POLR1A: variants seen among roughly 807,000 people sequenced by gnomAD.
POLR1A encodes the protein RNA polymerase I subunit A.
A neutral mutation model predicts 205.3 loss-of-function variants in POLR1A; 84 were observed. The ratio of observed to expected loss-of-function variants is 0.41; its 90% CI spans 0.34 to 0.49. POLR1A has a LOEUF of 0.49. POLR1A is among the 20% of genes least tolerant of loss of function. The probability of loss-of-function intolerance (pLI) is 0.22; values close to 1 mark genes in which losing one functional copy is unlikely to be tolerated. For synonymous variants in POLR1A, 799 were observed against 863.7 expected, an observed-to-expected ratio of 0.93 and a Z score of 1.31; for missense variants, 1,645 against 2,204.5, an observed-to-expected ratio of 0.75 and a Z score of 5.08.
At chr2:86,086,329 G>A (rs986979002) in intron 6 of POLR1A, among the ~76,000 whole-genome samples, 10 of 151,850 alleles carry the variant, frequency 6.6e-5, no homozygotes, top group African/African-American at 1.7e-4. Context: ...CAGATGATCC[G>A]CCTGACTCGG....
chr2:86,047,596 A>C (rs2104394352), intron 18 of POLR1A, among the ~76,000 whole-genome samples: 1 of 152,364 alleles, frequency 6.6e-6, no homozygotes, highest in Admixed American at 6.5e-5. Flanking sequence ...TCTAAAAAGA[A>C]GCTGGAGAAG....
At chr2:86,069,206 C>T (rs746302950) in intron 13 of POLR1A, among the ~76,000 whole-genome samples, 10 of 152,240 alleles carry the variant, frequency 6.6e-5, no homozygotes, top group Non-Finnish European at 7.3e-5. Context: ...TACGATTATT[C>T]TTCATACTCC....
At chr2:86,088,399 C>T (rs1391835828) in intron 6 of POLR1A, among the ~76,000 whole-genome samples, 167 bp downstream of exon 6, 2 of 152,214 alleles carry the variant, frequency 1.3e-5, no homozygotes, top group Admixed American at 6.5e-5. Flanking sequence ...CTGAGCTGGG[C>T]GCTTGCCAGG....
intron 21 of POLR1A, 155 bp from the exon 22 acceptor site, chr2:86,044,459 T>C: frequency 1.4e-6 from 1 of 728,470 alleles, no homozygotes; most frequent in Middle Eastern, 3.8e-4. Flanking sequence ...TGCCCCGGGG[T>C]CTGGGCTTGC....
At chr2:86,034,583 C>G (rs1389765003) in intron 27 of POLR1A, among the ~76,000 whole-genome samples, 1 of 152,134 alleles carries the variant, frequency 6.6e-6, no homozygotes, top group Non-Finnish European at 1.5e-5. Context: ...CCTCATGTAA[C>G]CCCCTGCCTG....
intron 24 of POLR1A, among the ~76,000 whole-genome samples, chr2:86,041,190 T>TGTGTGCGCGCGCGCACGCGCGC (rs1212728761): frequency 1.2e-4 from 5 of 41,982 alleles, no homozygotes; most frequent in African/African-American, 3.5e-4. Context: ...TGTGTGTGTG[T>TGTGTGCGCGCGCGCACGCGCGC]GCGCGCTGAG....
chr2:86,083,698 A>G lies in POLR1A; in HGVS notation c.731-530T>C, dbSNP rs544358483. Among the ~76,000 whole-genome samples, 12 of 152,314 alleles carry G rather than the reference A, an allele frequency of 7.9e-5. No homozygotes were observed. The South Asian group carries it at 2.1e-3, about 26-fold the overall frequency. ...GGATTGATTTCCATATTTTGCTATT[A>G]TAAGTAACATTATAATAAATATCTT... On this transcript the variant is annotated intron_variant, in intron 6 of 33. Coordinates refer to ENST00000263857, the MANE Select transcript of POLR1A (RefSeq NM_015425.6).
chr2:86,105,529 G>A (rs1357623026), intron 1 of POLR1A, among the ~76,000 whole-genome samples, 171 bp downstream of exon 1: 1 of 152,078 alleles, frequency 6.6e-6, no homozygotes, highest in East Asian at 1.9e-4. Context: ...TCTTATCCAG[G>A]CAGTCCACGC....
chr2:86,080,731 C>T, intron 9 of POLR1A, 85 bp downstream of exon 9: 2 of 1,350,536 alleles, frequency 1.5e-6, no homozygotes, highest in South Asian at 1.4e-5. Flanking sequence ...GGAAGCATCT[C>T]CCAGACCCAG....
At chr2:86,034,109 T>C (rs1672453572) in intron 27 of POLR1A, among the ~76,000 whole-genome samples, 1 of 152,252 alleles carries the variant, frequency 6.6e-6, no homozygotes, top group Admixed American at 6.5e-5. Flanking sequence ...TTCTGCAATC[T>C]TGTTTGCTAA....
At chr2:86,086,863 C>G (rs1273914760) in intron 6 of POLR1A, among the ~76,000 whole-genome samples, 10 of 152,220 alleles carry the variant, frequency 6.6e-5, no homozygotes. Flanking sequence ...CTAAGGGCTA[C>G]AGAAGCAATT....
intron 27 of POLR1A, among the ~76,000 whole-genome samples, chr2:86,034,052 C>T (rs1439885556): frequency 6.6e-6 from 1 of 152,332 alleles, no homozygotes; most frequent in East Asian, 1.9e-4. Flanking sequence ...AGGCAGCTTC[C>T]TCAGCTTTAA....
At chr2:86,087,494 T>C (rs979518399) in intron 6 of POLR1A, among the ~76,000 whole-genome samples, 1 of 152,236 alleles carries the variant, frequency 6.6e-6, no homozygotes, top group African/African-American at 2.4e-5. Flanking sequence ...CAGCCTTCTA[T>C]CTGCCACTCA....
rs750280121 is a variant in POLR1A, at chr2:86,038,842, C to T, written c.3892G>A (p.Asp1298Asn). The T allele has an allele frequency of 6.2e-7, 1 of 1,614,130 alleles. No homozygotes were observed. The highest frequency in any genetic ancestry group is 1.1e-5 in the South Asian group (1 of 91,054). The change falls in exon 27 of 34, where the codon GAC becomes AAC. Residue 1298 changes from aspartate (D) to asparagine (N), a missense_variant. Transcript: ENST00000263857. ...TCCATACAGAAGGACTCCTGGACGT[C>T]AATTTTCTGCAACACCTGGAACCAG... ...VCLGEVLQKI[D>N]VQESFCMEEK...
intron 11 of POLR1A, among the ~76,000 whole-genome samples, chr2:86,077,090 T>G (rs577760496): frequency 6.6e-6 from 1 of 152,302 alleles, no homozygotes; most frequent in South Asian, 2.1e-4. Flanking sequence ...ACTTCAGCGC[T>G]GCTCATCACC....
Position 86,052,714 on chromosome 2 carries a change from G to C in POLR1A, c.2392+103C>G, listed in dbSNP as rs35618928. 79,181 of 943,038 alleles carry C rather than the reference G, an allele frequency of 0.084. 4,103 individuals carry two copies. The highest frequency in any genetic ancestry group is 0.097 in the Non-Finnish European group (63,763 of 654,436). The allele number at this position is 943,038 out of a possible 1,614,324, so 58.4% of individuals were successfully genotyped here. A position where few individuals can be genotyped will look rare whatever the true frequency, so the allele number is the denominator to read the frequency against. On this transcript the variant is annotated intron_variant, in intron 16 of 33. Coordinates refer to ENST00000263857, the MANE Select transcript of POLR1A (RefSeq NM_015425.6). Reference sequence around the variant, plus strand: ...TCCACTGGGAACACACAGAAGCCTTGGAAATCTTCAGTGTGGACGGCTCTC... The same window carrying C: ...TCCACTGGGAACACACAGAAGCCTTCGAAATCTTCAGTGTGGACGGCTCTC...
intron 18 of POLR1A, among the ~76,000 whole-genome samples, chr2:86,048,406 CCT>C (rs1422900799): frequency 2.0e-5 from 3 of 152,182 alleles, no homozygotes; most frequent in Non-Finnish European, 4.4e-5. Context: ...AGGTGGTGCC[CCT>C]CACAGCCCCA....
At chr2:86,081,333 T>C (rs554412801) in intron 8 of POLR1A, among the ~76,000 whole-genome samples, 158 of 150,748 alleles carry the variant, frequency 1.0e-3, no homozygotes, top group Non-Finnish European at 1.6e-3. Flanking sequence ...GAGGCAGAGG[T>C]TGCAGTAAGT....
At chr2:86,091,391 GATTACAGGCATT>G (rs1014727878) in intron 3 of POLR1A, among the ~76,000 whole-genome samples, 8 of 152,106 alleles carry the variant, frequency 5.3e-5, no homozygotes, top group Non-Finnish European at 7.4e-5. Context: ...AAAGTGCTAG[GATTACAGGCATT>G]ATCCACTGTG....
Sources: allele counts gnomAD v4.1 joint callset (sites outside exome capture counted in the v4.1 genomes callset), GRCh38; gene constraint gnomAD v4.1.1; transcripts MANE v1.5; gene names NCBI Gene and HGNC (gene_info 2026-07-23, HGNC 2026-07-21).